Variants in ARHGEF17 observed in about 807,000 individuals in gnomAD.
ARHGEF17 encodes Rho guanine nucleotide exchange factor 17, also known as 164 kDa Rho-specific guanine-nucleotide exchange factor.
In ARHGEF17, 80 loss-of-function variants were observed where a neutral mutation model predicts 174.0. The ratio of observed to expected loss-of-function variants is 0.46; its 90% CI spans 0.38 to 0.55. The LOEUF is 0.55. ARHGEF17 is among the 20% of genes least tolerant of loss of function. The pLI is 0.00. For synonymous variants in ARHGEF17, 1,311 were observed against 1,189.1 expected (o/e 1.10, Z -2.11); for missense variants, 2,886 against 2,839.7 (o/e 1.02, Z -0.37).
chr11:73,364,453 C>T lies in ARHGEF17; in HGVS notation c.5403C>T (p.Gly1801=). The T allele has an allele frequency of 6.2e-7, 1 of 1,613,370 alleles. No individual in the cohort carries two copies. The highest frequency in any genetic ancestry group is 8.5e-7 in the Non-Finnish European group (1 of 1,179,958). ...GELVVYQREA[G]HFWDPQNFKS... is the part of the protein sequence containing the mutation. ...CCTGTTTTCTTTACCCCACTCCAGG[C>T]CATTTCTGGGACCCCCAGAACTTCA... Residue 1801 remains glycine, a splice_region_variant and synonymous_variant, in exon 18 of 21, where the codon GGC becomes GGT. Transcript: ENST00000263674.
chr11:73,310,300 G>A lies in ARHGEF17; in HGVS notation c.1662G>A (p.Met554Ile). Residue 554 changes from methionine (M) to isoleucine (I), a missense_variant, in exon 1 of 21, where the codon ATG (methionine) becomes ATA (isoleucine). Around this residue, in one of 4 missense-constraint regions of ARHGEF17, gnomAD observed 1,728 missense variants for 1,461.2 expected, o/e 1.18. Coordinates refer to ENST00000263674, the MANE Select transcript of ARHGEF17 (RefSeq NM_014786.4). ...CATTCACCTGCTCTGAGAAGCCCATGGCCCGCCGCCTGCCCCGCACCAGTG... is the reference window on the plus strand; with the variant it reads ...CATTCACCTGCTCTGAGAAGCCCATAGCCCGCCGCCTGCCCCGCACCAGTG... ...AKSFTCSEKP[M>I]ARRLPRTSAL... 2 of 1,613,856 alleles carry A rather than the reference G, an allele frequency of 1.2e-6. No individual in the cohort carries two copies. Among genetic ancestry groups the A allele is most frequent in the Non-Finnish European group, 1.7e-6 (2 of 1,180,014 alleles).
intron 2 of ARHGEF17, among the ~76,000 whole-genome samples, chr11:73,350,263 A>G (rs907005659): frequency 5.3e-5 from 8 of 152,344 alleles, no homozygotes; most frequent in African/African-American, 1.7e-4. Flanking sequence ...ATTAGTTGAC[A>G]TTCACTGAGT....
rs921404723 is a variant in ARHGEF17, at chr11:73,309,615, G to T, written c.977G>T (p.Ser326Ile). 7 of 1,612,960 alleles carry T rather than the reference G, an allele frequency of 4.3e-6. No individual in the cohort carries two copies. In the African/African-American group the frequency reaches 5.3e-5, roughly 12 times the overall value. ...SSMNSAGVSG[S>I]PEPPTSPRAP... ...ATGAACTCAGCAGGGGTTTCTGGGAGCCCTGAGCCCCCAACATCTCCAAGA... is the reference window on the plus strand; with the variant it reads ...ATGAACTCAGCAGGGGTTTCTGGGATCCCTGAGCCCCCAACATCTCCAAGA... Residue 326 changes from serine to isoleucine, a missense_variant, in exon 1 of 21, where the codon AGC becomes ATC. Physicochemically the swap from Ser to Ile is moderately radical, Grantham distance 142. Transcript: ENST00000263674.
At chr11:73,343,132 T>TGGCC in intron 1 of ARHGEF17, 1 of 271,352 alleles carries the variant, frequency 3.7e-6, no homozygotes. Flanking sequence ...CCCCAGCGGC[T>TGGCC]GGCCGGCCGC....
chr11:73,356,057 A>G (rs936958678), intron 5 of ARHGEF17, 104 bp downstream of exon 5: 7 of 1,570,156 alleles, frequency 4.5e-6, no homozygotes, highest in African/African-American at 4.1e-5. Flanking sequence ...CAGGGTCCCT[A>G]GGGGACAGGT....
At chr11:73,333,399 G>A (rs1200031860) in intron 1 of ARHGEF17, among the ~76,000 whole-genome samples, 3 of 152,266 alleles carry the variant, frequency 2.0e-5, no homozygotes, top group South Asian at 2.1e-4. Context: ...CGTAACTATC[G>A]CTGTCCAGGC....
Position 73,308,678 on chromosome 11 carries a change from G to C in ARHGEF17, c.40G>C (p.Val14Leu). ...GAPRPQLYRS[V>L]SFKLLERWSG... is the part of the protein sequence containing the mutation. ...ACCCCGGCCCCAGCTTTACCGCAGCGTCTCGTTCAAGCTGCTGGAGCGCTG... is the reference window on the plus strand; with the variant it reads ...ACCCCGGCCCCAGCTTTACCGCAGCCTCTCGTTCAAGCTGCTGGAGCGCTG... Residue 14 changes from valine to leucine, a missense_variant, in exon 1 of 21, where the codon GTC (valine) becomes CTC (leucine). Coordinates refer to ENST00000263674, the MANE Select transcript of ARHGEF17 (RefSeq NM_014786.4). 1 of 1,519,904 alleles carries C rather than the reference G, an allele frequency of 6.6e-7. No individual in the cohort carries two copies. Among genetic ancestry groups the C allele is most frequent in the Non-Finnish European group, 8.8e-7 (1 of 1,137,022 alleles). The allele number at this position is 1,519,904 out of a possible 1,614,324, so 94.2% of individuals were successfully genotyped here.
intron 1 of ARHGEF17, among the ~76,000 whole-genome samples, chr11:73,329,331 ATATATATATATATATATAT>A (rs1865154471): frequency 6.6e-4 from 1 of 1,504 alleles, no homozygotes; most frequent in Non-Finnish European, 1.2e-3. Flanking sequence ...TCATATATAT[ATATATATATATATATATAT>A]ATATATATAT....
At position 73,311,209 on chromosome 11, in the gene ARHGEF17, G is replaced by A. The variant is rs746855834; in HGVS notation, c.2571G>A (p.Leu857=). Reference sequence around the variant, plus strand: ...CCATCCGAGAAGTTGAGCCCATGCTGCCTCCATCCAGCAGCGAGCCCATCC... The same window carrying A: ...CCATCCGAGAAGTTGAGCCCATGCTACCTCCATCCAGCAGCGAGCCCATCC... ...GEPIREVEPM[L]PPSSSEPILV... Residue 857 remains leucine (L), a synonymous_variant, in exon 1 of 21, where the codon CTG becomes CTA. Transcript: ENST00000263674. 1.2e-6 allele frequency: 2 copies of A among 1,601,662 alleles called. No individual in the cohort carries two copies. The highest frequency in any genetic ancestry group is 1.7e-6 in the Non-Finnish European group (2 of 1,171,718).
At chr11:73,340,308 C>G (rs981490489) in intron 1 of ARHGEF17, among the ~76,000 whole-genome samples, 2 of 152,212 alleles carry the variant, frequency 1.3e-5, no homozygotes, top group African/African-American at 4.8e-5. Flanking sequence ...GGCACCAAGT[C>G]CCGCCCCCTT....
intron 1 of ARHGEF17, among the ~76,000 whole-genome samples, chr11:73,331,630 G>A (rs1423308714): frequency 6.6e-6 from 1 of 152,008 alleles, no homozygotes; most frequent in African/African-American, 2.4e-5. Context: ...GTGGGGGGGT[G>A]CGGGGGGAGG....
At chr11:73,342,405 A>T (rs760893183) in intron 1 of ARHGEF17, among the ~76,000 whole-genome samples, 11 of 152,156 alleles carry the variant, frequency 7.2e-5, no homozygotes, top group Non-Finnish European at 1.2e-4. Context: ...GCACATCTCT[A>T]AATGTCCGAG....
rs1389964854 is a variant in ARHGEF17 at position 73,311,102 on chromosome 11, G to T, written c.2464G>T (p.Ala822Ser). Residue 822 changes from alanine (A) to serine (S), a missense_variant, in exon 1 of 21, where the codon GCC (alanine) becomes TCC (serine). Coordinates refer to ENST00000263674, the MANE Select transcript of ARHGEF17 (RefSeq NM_014786.4). ...GGTGGACGACAGGATTGCTGGCAAA[G>T]CCCCCAAGAAGAAATCCCTGAGTGA... ...RVVDDRIAGKAPKKKSLSDPS... is the reference protein window; with the variant it reads ...RVVDDRIAGKSPKKKSLSDPS... The T allele has an allele frequency of 1.0e-5, 16 of 1,607,290 alleles. No individual in the cohort carries two copies. The East Asian group carries it at 3.6e-4, about 36-fold the overall frequency.
At chr11:73,363,150 A>G (rs1865775877) in intron 14 of ARHGEF17, 56 bp from the exon 15 acceptor site, 3 of 1,470,200 alleles carry the variant, frequency 2.0e-6, no homozygotes, top group Non-Finnish European at 2.7e-6. Context: ...CTAGAAAGAT[A>G]TCAGGTCCCA....
chr11:73,311,823 C>T lies in ARHGEF17; in HGVS notation c.3185C>T (p.Pro1062Leu), dbSNP rs1864843054. The T allele has an allele frequency of 1.9e-6, 3 of 1,602,212 alleles. No individual in the cohort carries two copies. Among genetic ancestry groups the T allele is most frequent in the South Asian group, 2.2e-5 (2 of 90,516 alleles). The change falls in exon 1 of 21, where the codon CCA becomes CTA. Residue 1062 changes from proline to leucine, a missense_variant. Transcript: ENST00000263674. Reference protein sequence around the residue: ...PTPASKCCSKPQVDMRKHVAM... With the variant: ...PTPASKCCSKLQVDMRKHVAM... Reference sequence around the variant, plus strand: ...CCTGCCAGCAAGTGCTGCAGCAAGCCACAGGTGGTGAGTCCTTTGTAGGGG... The same window carrying T: ...CCTGCCAGCAAGTGCTGCAGCAAGCTACAGGTGGTGAGTCCTTTGTAGGGG...
At position 73,310,541 on chromosome 11, in the gene ARHGEF17, G is replaced by C. The variant is rs1281015287; in HGVS notation, c.1903G>C (p.Glu635Gln). The change falls in exon 1 of 21, where the codon GAG (glutamate) becomes CAG (glutamine). Residue 635 changes from glutamate (E) to glutamine (Q), a missense_variant. Glu to Gln is a conservative substitution (Grantham distance 29). This residue lies in a region of ARHGEF17 where 1,728 missense variants were observed against 1,461.2 expected (regional missense o/e 1.18). Coordinates refer to ENST00000263674, the MANE Select transcript of ARHGEF17 (RefSeq NM_014786.4). The stretch of plus-strand genomic sequence containing the variant: ...GACCCGAGGGCAGCGGTCCCAGGAG[G>C]AGCTCTCAGGCCCTGAGTCCAGTCT... ...DVTRGQRSQE[E>Q]LSGPESSLTD... 3 of 1,614,034 alleles carry C rather than the reference G, an allele frequency of 1.9e-6. No individual in the cohort carries two copies. Among genetic ancestry groups the C allele is most frequent in the Non-Finnish European group, 2.5e-6 (3 of 1,180,036 alleles).
chr11:73,346,662 G>C (rs113980613), intron 1 of ARHGEF17, among the ~76,000 whole-genome samples: 4 of 152,326 alleles, frequency 2.6e-5, no homozygotes, highest in African/African-American at 9.6e-5. Flanking sequence ...CCACGTGTTT[G>C]AGGTGTAAGT....
intron 1 of ARHGEF17, among the ~76,000 whole-genome samples, chr11:73,313,620 C>T (rs1392623056): frequency 6.6e-6 from 1 of 152,218 alleles, no homozygotes; most frequent in Non-Finnish European, 1.5e-5. Flanking sequence ...CTTCTCCCTG[C>T]CACGAACAGA....
chr11:73,356,469 A>G, intron 6 of ARHGEF17, 118 bp downstream of exon 6: 4 of 1,315,124 alleles, frequency 3.0e-6, no homozygotes, highest in Non-Finnish European at 4.1e-6. Flanking sequence ...CCGGAACCAC[A>G]GTGTGTTTGC....
Sources: gnomAD v4.1 joint callset for allele counts (sites outside exome capture counted in the v4.1 genomes callset) on GRCh38, gnomAD v4.1.1 for gene constraint, gnomAD v4.1.1 regional missense constraint, MANE v1.5 for transcripts, NCBI Gene and HGNC (gene_info 2026-07-23, HGNC 2026-07-21) for gene names.